PARN: variants seen among roughly 807,000 people sequenced by gnomAD.
The protein encoded by PARN is poly(A)-specific ribonuclease.
In PARN, 71 loss-of-function variants were observed where a neutral mutation model predicts 102.8. The ratio of observed to expected loss-of-function variants is 0.69; its 90% confidence interval spans 0.57 to 0.84. The LOEUF (loss-of-function observed/expected upper bound fraction) is 0.84. PARN is among the 40% of genes least tolerant of loss of function. PARN has a pLI of 0.00. For missense variants in PARN, 782 were observed against 760.9 expected, an observed-to-expected ratio of 1.03 and a Z score of -0.33; for synonymous variants, 261 against 252.9, an observed-to-expected ratio of 1.03 and a Z score of -0.30.
chr16:14,614,864 A>AAAG, intron 6 of PARN, among the ~76,000 whole-genome samples: 1 of 145,412 alleles, frequency 6.9e-6, no homozygotes, highest in East Asian at 2.0e-4. Context: ...AAAAAAAAAA[A>AAAG]AAAAAAAAAA....
At position 14,482,735 on chromosome 16, in the gene PARN, T is replaced by G; in HGVS notation, c.1573A>C (p.Lys525Gln). Residue 525 changes from lysine to glutamine, a missense_variant, in exon 22 of 24, where the codon AAG becomes CAG. Lys to Gln is a moderately conservative substitution (Grantham distance 53). Transcript: ENST00000437198. ...TCCTTCCAGCTATCTTCAGTCCACT[T>G]TCTTTTGATCTGCTTCTCTTCCTGT... ...RKQEEKQIKRKWTEDSWKEAD... is the reference protein window; with the variant it reads ...RKQEEKQIKRQWTEDSWKEAD... The G allele has an allele frequency of 6.2e-7, 1 of 1,613,978 alleles. No individual in the cohort carries two copies. Among genetic ancestry groups the G allele is most frequent in the Non-Finnish European group, 8.5e-7 (1 of 1,179,834 alleles).
chr16:14,595,539 AT>A (rs553244099), intron 12 of PARN, among the ~76,000 whole-genome samples: 13 of 147,460 alleles, frequency 8.8e-5, no homozygotes, highest in South Asian at 2.2e-4. Context: ...TAATTTTTTA[AT>A]TTTTTTTTTT....
Position 14,609,047 on chromosome 16 carries a change from G to A in PARN, c.620+11C>T. The A allele has an allele frequency of 6.5e-7, 1 of 1,528,544 alleles. No individual in the cohort carries two copies. The highest frequency in any genetic ancestry group is 1.2e-5 in the South Asian group (1 of 86,106). 94.7% of individuals were successfully genotyped at this position (1,528,544 alleles called of 1,614,324 possible). ...AAAAAAGGACATGCAGAAATGTTCA[G>A]GACAACTAACCCGGTACATGGCTCT... On this transcript the variant is annotated intron_variant, in intron 8 of 23. Transcript: ENST00000437198.
chr16:14,518,893 AAGCTC>A (rs1965596750), intron 21 of PARN, among the ~76,000 whole-genome samples: 1 of 152,176 alleles, frequency 6.6e-6, no homozygotes, highest in African/African-American at 2.4e-5. Flanking sequence ...CTGGGGGCAT[AAGCTC>A]ACAGACAGGG....
At chr16:14,595,364 A>G (rs1334799720) in intron 12 of PARN, among the ~76,000 whole-genome samples, 1 of 152,058 alleles carries the variant, frequency 6.6e-6, no homozygotes, top group Non-Finnish European at 1.5e-5. Flanking sequence ...ACACAAACAC[A>G]CACACACTTA....
At chr16:14,561,862 A>C (rs1026988138) in intron 18 of PARN, among the ~76,000 whole-genome samples, 4 of 152,252 alleles carry the variant, frequency 2.6e-5, no homozygotes, top group African/African-American at 9.6e-5. Flanking sequence ...GTAGAAAAAC[A>C]CAAAACTGGC....
chr16:14,585,964 G>A (rs1473045143), intron 14 of PARN, among the ~76,000 whole-genome samples: 1 of 148,048 alleles, frequency 6.8e-6, no homozygotes, highest in Non-Finnish European at 1.5e-5. Flanking sequence ...TTTGTATTGT[G>A]TATGTCACAA....
rs1965055416 is a variant in PARN at position 14,509,103 on chromosome 16, C to T, written c.1481-26276G>A. Among the ~76,000 whole-genome samples, 3 of 151,964 alleles carry T rather than the reference C, an allele frequency of 2.0e-5. No homozygotes were observed. In the South Asian group the frequency reaches 6.3e-4, roughly 32 times the overall value. Reference sequence around the variant, plus strand: ...GAGACTGACTCTTAAGAAAGACGCCCCTTTGCAATGAGAAAGGTATCTCTC... The same window carrying T: ...GAGACTGACTCTTAAGAAAGACGCCTCTTTGCAATGAGAAAGGTATCTCTC... On this transcript the variant is annotated intron_variant, in intron 21 of 23. Coordinates refer to ENST00000437198, the MANE Select transcript of PARN (RefSeq NM_002582.4).
intron 20 of PARN, among the ~76,000 whole-genome samples, chr16:14,553,648 C>A (rs551026852): frequency 6.6e-6 from 1 of 152,220 alleles, no homozygotes; most frequent in Non-Finnish European, 1.5e-5. Flanking sequence ...ACTGCCCTAC[C>A]TCATACACGT....
chr16:14,612,982 T>C (rs909946878), intron 6 of PARN, among the ~76,000 whole-genome samples: 5 of 151,894 alleles, frequency 3.3e-5, no homozygotes, highest in Non-Finnish European at 5.9e-5. Flanking sequence ...TGTTGAGATA[T>C]ACATTTAGTT....
intron 18 of PARN, among the ~76,000 whole-genome samples, chr16:14,577,777 C>T (rs1050312942): frequency 1.3e-5 from 2 of 152,124 alleles, no homozygotes; most frequent in African/African-American, 4.8e-5. Context: ...AAGCAATTCT[C>T]CTGCCTCAGC....
intron 21 of PARN, among the ~76,000 whole-genome samples, chr16:14,519,488 G>A (rs921156371): frequency 2.6e-5 from 4 of 152,098 alleles, no homozygotes; most frequent in African/African-American, 9.7e-5. Context: ...AGGAACCAGA[G>A]CTCTTTGTAG....
At chr16:14,605,864 T>C (rs946444381) in intron 10 of PARN, among the ~76,000 whole-genome samples, 5 of 152,236 alleles carry the variant, frequency 3.3e-5, no homozygotes, top group Non-Finnish European at 5.9e-5. Flanking sequence ...TTTCTTCACA[T>C]GTACCATTAT....
At chr16:14,471,573 C>A (rs1052621819) in intron 22 of PARN, among the ~76,000 whole-genome samples, 11 of 152,092 alleles carry the variant, frequency 7.2e-5, no homozygotes, top group African/African-American at 2.7e-4. Context: ...CCATTTTAAA[C>A]GTACAGTTCT....
chr16:14,457,282 C>A (rs1363022018), intron 22 of PARN, among the ~76,000 whole-genome samples: 1 of 152,236 alleles, frequency 6.6e-6, no homozygotes, highest in East Asian at 1.9e-4. Flanking sequence ...CTACCTCACA[C>A]AGCAAAATGA....
chr16:14,616,295 T>C (rs1971900739), intron 6 of PARN, among the ~76,000 whole-genome samples: 2 of 152,162 alleles, frequency 1.3e-5, no homozygotes, highest in African/African-American at 2.4e-5. Flanking sequence ...AGAAGAGAAA[T>C]CATGCTATGC....
At chr16:14,604,565 T>C (rs1211867360) in intron 10 of PARN, among the ~76,000 whole-genome samples, 1 of 151,198 alleles carries the variant, frequency 6.6e-6, no homozygotes, top group Non-Finnish European at 1.5e-5. Context: ...TGGCCACAGA[T>C]ATATACAATT....
Position 14,627,303 on chromosome 16 carries a change from G to T in PARN, c.211C>A (p.Leu71Ile). 6.3e-7 allele frequency: 1 copy of T among 1,594,266 alleles called. No individual in the cohort carries two copies. The highest frequency in any genetic ancestry group is 2.2e-5 in the East Asian group (1 of 44,468). ...SMDFLLFQFG[L>I]CTFKYDYTDS... ...GTGTAGTCATACTTAAAAGTGCAAA[G>T]GCCAAACTGAAATAGCAAAAAGTCC... The change falls in exon 4 of 24, where the codon CTT becomes ATT. Residue 71 changes from leucine (L) to isoleucine (I), a missense_variant. Coordinates refer to ENST00000437198, the MANE Select transcript of PARN (RefSeq NM_002582.4).
intron 18 of PARN, among the ~76,000 whole-genome samples, chr16:14,560,624 T>C (rs1967995694): frequency 6.6e-6 from 1 of 152,230 alleles, no homozygotes; most frequent in African/African-American, 2.4e-5. Context: ...TGTATGAGTA[T>C]ATCACTGGCA....
Sources: gnomAD v4.1 joint callset for allele counts (sites outside exome capture counted in the v4.1 genomes callset) on GRCh38, gnomAD v4.1.1 for gene constraint, MANE v1.5 for transcripts, NCBI Gene and HGNC (gene_info 2026-07-23, HGNC 2026-07-21) for gene names.